The following WDR47 variants were observed in gnomAD, a reference collection of about 807,000 sequenced individuals.
The protein encoded by WDR47 is WD repeat domain 47, also known as WD repeat-containing protein 47.
In WDR47, 32 loss-of-function variants were observed where a neutral mutation model predicts 97.2. The observed-to-expected ratio is 0.33, with a 90% CI of 0.25 to 0.44. The LOEUF (loss-of-function observed/expected upper bound fraction) is 0.44. Among genes scored for constraint, WDR47 ranks in the 20% least tolerant of loss-of-function variants. The pLI is 1.00. For synonymous variants in WDR47, 375 were observed against 373.5 expected (o/e 1.00, Z -0.05); for missense variants, 782 against 1,102.3 (o/e 0.71, Z 4.11).
At chr1:108,983,557 AGAC>A (rs1390380745) in intron 10 of WDR47, 106 bp from the exon 11 acceptor site, 1 of 932,912 alleles carries the variant, frequency 1.1e-6, no homozygotes, top group African/African-American at 1.7e-5. Flanking sequence ...AAAGCGTGTC[AGAC>A]AACAGCTTAT....
intron 8 of WDR47, among the ~76,000 whole-genome samples, chr1:108,992,115 T>A (rs1465125680): frequency 6.6e-6 from 1 of 152,088 alleles, no homozygotes; most frequent in African/African-American, 2.4e-5. Context: ...AAAAATGTAA[T>A]TTAAATCCTT....
chr1:109,026,536 C>G (rs752063126), intron 1 of WDR47, among the ~76,000 whole-genome samples: 18 of 152,082 alleles, frequency 1.2e-4, no homozygotes, highest in Non-Finnish European at 2.4e-4. Context: ...GCAGTGTGCC[C>G]AGAGTAGCCC....
rs1317783799 is a variant in WDR47, at chr1:109,035,310, AGT to A, written c.-10+6550_-10+6551del. Among the ~76,000 whole-genome samples the A allele has an allele frequency of 3.3e-5, 5 of 151,210 alleles. No homozygotes were observed. In the East Asian group the frequency reaches 9.7e-4, roughly 29 times the overall value. On this transcript the variant is annotated intron_variant, in intron 1 of 14. Coordinates refer to ENST00000369962, the MANE Select transcript of WDR47 (RefSeq NM_001142551.2). ...TGGAATGTTGCATGCCAAACTGTTC[AGT>A]GTGATTATCTCTGAAGAAAGGCATG...
At chr1:108,990,477 G>T (rs1659240168) in intron 9 of WDR47, among the ~76,000 whole-genome samples, 1 of 151,768 alleles carries the variant, frequency 6.6e-6, no homozygotes, top group Non-Finnish European at 1.5e-5. Context: ...CCAAAGTGCT[G>T]GGATTACAGG....
At chr1:108,995,014 C>T (rs894749119) in intron 8 of WDR47, among the ~76,000 whole-genome samples, 1 of 152,100 alleles carries the variant, frequency 6.6e-6, no homozygotes, top group Non-Finnish European at 1.5e-5. Flanking sequence ...TAATGAACCA[C>T]CCTGAAAAGT....
chr1:109,028,078 TATAATC>T (rs1557961659), intron 1 of WDR47, among the ~76,000 whole-genome samples: 1 of 152,218 alleles, frequency 6.6e-6, no homozygotes, highest in Non-Finnish European at 1.5e-5. Flanking sequence ...GAGATGCACA[TATAATC>T]ATAATATGTG....
Position 108,971,393 on chromosome 1 carries a change from CTG to C in WDR47, c.*35_*36del, listed in dbSNP as rs779178709. The C allele has an allele frequency of 1.2e-6, 2 of 1,612,496 alleles. No homozygotes were observed. Among genetic ancestry groups the C allele is most frequent in the Non-Finnish European group, 1.7e-6 (2 of 1,179,094 alleles). ...TTCACAACTCAGTAGTCTTAAGTCT[CTG>C]TGCTTTTGCTGCATAGACTGACATG... On this transcript the variant is annotated 3_prime_UTR_variant, in exon 15 of 15. Transcript: ENST00000369962.
intron 1 of WDR47, among the ~76,000 whole-genome samples, chr1:109,038,870 T>C (rs1351745816): frequency 6.6e-6 from 1 of 151,982 alleles, no homozygotes; most frequent in East Asian, 1.9e-4. Flanking sequence ...TCCCAGCTAC[T>C]TGGGAGGCTG....
At chr1:109,041,122 T>TCGCCCCCCGCCCC (rs2102078133) in intron 1 of WDR47, among the ~76,000 whole-genome samples, 1 of 49,758 alleles carries the variant, frequency 2.0e-5, no homozygotes, top group African/African-American at 7.9e-5. Flanking sequence ...CGGCCTACCC[T>TCGCCCCCCGCCCC]CGCCCCCCGC....
intron 3 of WDR47, among the ~76,000 whole-genome samples, chr1:109,016,028 C>T (rs1661391581): frequency 6.8e-6 from 1 of 146,950 alleles, no homozygotes; most frequent in African/African-American, 2.5e-5. Flanking sequence ...TTATATTCAA[C>T]AGCATAAGGC....
chr1:109,028,025 G>T (rs564584082), intron 1 of WDR47, among the ~76,000 whole-genome samples: 1 of 152,224 alleles, frequency 6.6e-6, no homozygotes, highest in South Asian at 2.1e-4. Flanking sequence ...ATCTGCAAAA[G>T]ATTTTAACAA....
chr1:108,974,799 C>A (rs1360061397), intron 13 of WDR47, 45 bp from the exon 14 acceptor site: 2 of 1,438,402 alleles, frequency 1.4e-6, no homozygotes, highest in Non-Finnish European at 1.9e-6. Context: ...AATCAATATA[C>A]CCAAATGGCA....
chr1:109,016,395 C>T (rs1222751059), intron 3 of WDR47, among the ~76,000 whole-genome samples: 1 of 151,944 alleles, frequency 6.6e-6, no homozygotes, highest in Non-Finnish European at 1.5e-5. Flanking sequence ...GAATGAGACC[C>T]TGTCTCAAAA....
At chr1:108,986,181 G>A (rs1218846204) in intron 10 of WDR47, among the ~76,000 whole-genome samples, 1 of 151,876 alleles carries the variant, frequency 6.6e-6, no homozygotes, top group Non-Finnish European at 1.5e-5. Context: ...AATCCACTGG[G>A]GTTCTTAAAT....
At chr1:109,029,335 C>T (rs1315660119) in intron 1 of WDR47, among the ~76,000 whole-genome samples, 1 of 151,260 alleles carries the variant, frequency 6.6e-6, no homozygotes, top group African/African-American at 2.4e-5. Flanking sequence ...CCAGCCTGGC[C>T]GAGATGCTGA....
At chr1:108,994,304 G>A (rs1236863615) in intron 8 of WDR47, among the ~76,000 whole-genome samples, 1 of 152,190 alleles carries the variant, frequency 6.6e-6, no homozygotes, top group Non-Finnish European at 1.5e-5. Flanking sequence ...GGCTGAGGCA[G>A]GAGAATTGTT....
rs41299563 is a variant in WDR47 at position 108,986,591 on chromosome 1, A to G, written c.1857T>C (p.Gly619=). The change falls in exon 10 of 15, where the codon GGT becomes GGC. Residue 619 remains glycine (G), a synonymous_variant. Coordinates refer to ENST00000369962, the MANE Select transcript of WDR47 (RefSeq NM_001142551.2). The part of the protein sequence containing the change: ...VRAVAFHPAG[G]LYAVGSNSKT... Reference sequence around the variant, plus strand: ...TTGAATTTGAACCAACAGCATATAAACCTCCAGCTGGATGAAAAGCCACTG... The same window carrying G: ...TTGAATTTGAACCAACAGCATATAAGCCTCCAGCTGGATGAAAAGCCACTG... 12,772 of 1,613,666 alleles carry G rather than the reference A, an allele frequency of 7.9e-3. 61 individuals are homozygous for G. Among genetic ancestry groups the G allele is most frequent in the Non-Finnish European group, 9.7e-3 (11,397 of 1,179,742 alleles).
chr1:108,975,980 T>C (rs544068309), intron 13 of WDR47, among the ~76,000 whole-genome samples: 1 of 152,274 alleles, frequency 6.6e-6, no homozygotes, highest in East Asian at 1.9e-4. Flanking sequence ...AAAAGTTAAC[T>C]TGAAAGGCAG....
intron 1 of WDR47, among the ~76,000 whole-genome samples, chr1:109,027,843 AT>A: frequency 6.6e-6 from 1 of 151,986 alleles, no homozygotes; most frequent in East Asian, 1.9e-4. Flanking sequence ...TTAAACATCT[AT>A]TTCCTGTAAT....
Sources: allele counts gnomAD v4.1 joint callset (sites outside exome capture counted in the v4.1 genomes callset), GRCh38; gene constraint gnomAD v4.1.1; transcripts MANE v1.5; gene names NCBI Gene and HGNC (gene_info 2026-07-23, HGNC 2026-07-21).